The following FOCAD variants were observed in gnomAD, a reference collection of about 807,000 sequenced individuals.
FOCAD encodes focadhesin.
A neutral mutation model predicts 225.6 loss-of-function variants in FOCAD; 198 were observed. The ratio of observed to expected loss-of-function variants is 0.88; its 90% CI spans 0.78 to 0.99. The LOEUF (loss-of-function observed/expected upper bound fraction) is 0.99, where lower values mean the gene tolerates loss of function less well. FOCAD is among the 50% of genes least tolerant of loss of function. The probability of loss-of-function intolerance (pLI) is 0.00; values close to 1 mark genes in which losing one functional copy is unlikely to be tolerated. For synonymous variants in FOCAD, 897 were observed against 755.0 expected, an observed-to-expected ratio of 1.19 and a Z score of -3.08; for missense variants, 2,713 against 2,123.6, an observed-to-expected ratio of 1.28 and a Z score of -5.46.
At chr9:20,786,871 A>G (rs10964698) in intron 10 of FOCAD, 48,122 of 216,044 alleles carry the variant, frequency 0.22, 6,505 homozygotes, top group Non-Finnish European at 0.28. Flanking sequence ...TATAATTCAC[A>G]TAACATAAAC....
chr9:20,763,621 G>A (rs1189186588), intron 6 of FOCAD, among the ~76,000 whole-genome samples: 1 of 152,144 alleles, frequency 6.6e-6, no homozygotes, highest in African/African-American at 2.4e-5. Flanking sequence ...GGAATAGGAC[G>A]GGTAGAAGGG....
intron 18 of FOCAD, among the ~76,000 whole-genome samples, chr9:20,869,786 G>T (rs141599076): frequency 3.3e-5 from 5 of 152,222 alleles, no homozygotes; most frequent in African/African-American, 1.2e-4. Flanking sequence ...GAAGAGCTGA[G>T]GATGTTGACT....
At chr9:20,982,052 G>A (rs963834514) in intron 38 of FOCAD, among the ~76,000 whole-genome samples, 5 of 152,050 alleles carry the variant, frequency 3.3e-5, no homozygotes, top group South Asian at 2.1e-4. Flanking sequence ...ATTTAGCATC[G>A]CCCTTCCCTC....
At chr9:20,910,656 T>C (rs1217200781) in intron 22 of FOCAD, among the ~76,000 whole-genome samples, 1 of 152,076 alleles carries the variant, frequency 6.6e-6, no homozygotes, top group Non-Finnish European at 1.5e-5. Context: ...AGGTGATCAC[T>C]TTAGCCATTT....
chr9:20,978,054 T>A (rs1252069899), intron 36 of FOCAD, among the ~76,000 whole-genome samples: 1 of 152,176 alleles, frequency 6.6e-6, no homozygotes, highest in Admixed American at 6.5e-5. Context: ...AATTTTCTCA[T>A]ATTTTAGATA....
chr9:20,767,653 C>T (rs1830167852), intron 7 of FOCAD, among the ~76,000 whole-genome samples: 2 of 143,020 alleles, frequency 1.4e-5, no homozygotes, highest in African/African-American at 5.1e-5. Flanking sequence ...ATGTCCTTCG[C>T]CCACTTTTTG....
At chr9:20,660,004 C>T (rs1272578894) in intron 2 of FOCAD, among the ~76,000 whole-genome samples, 1 of 152,046 alleles carries the variant, frequency 6.6e-6, no homozygotes, top group Non-Finnish European at 1.5e-5. Flanking sequence ...GCCATCAAGG[C>T]CTGAAGTAAG....
intron 23 of FOCAD, among the ~76,000 whole-genome samples, 191 bp downstream of exon 23, chr9:20,913,145 TACACACACACACACACAC>T (rs56856864): frequency 1.0e-4 from 14 of 137,252 alleles, no homozygotes; most frequent in East Asian, 4.4e-4. Flanking sequence ...AAATTATACA[TACACACACACACACACAC>T]ACACACACAC....
chr9:20,672,139 C>G (rs1822082170), intron 2 of FOCAD, among the ~76,000 whole-genome samples: 1 of 152,134 alleles, frequency 6.6e-6, no homozygotes, highest in African/African-American at 2.4e-5. Flanking sequence ...ATCAGTAAAA[C>G]TCCTGCAAAC....
At chr9:20,681,252 A>C (rs1356770783), upstream of FOCAD, among the ~76,000 whole-genome samples, 2 of 152,174 alleles carry the variant, frequency 1.3e-5, no homozygotes, top group African/African-American at 4.8e-5. Flanking sequence ...CATATGAGAA[A>C]ACTTCTATTT....
intron 35 of FOCAD, among the ~76,000 whole-genome samples, chr9:20,971,709 A>G (rs1260537704): frequency 6.6e-6 from 1 of 152,182 alleles, no homozygotes; most frequent in Non-Finnish European, 1.5e-5. Context: ...AGAACTTTTC[A>G]GAACTTAGAA....
At chr9:20,774,493 A>G (rs911905028) in intron 8 of FOCAD, among the ~76,000 whole-genome samples, 7 of 152,204 alleles carry the variant, frequency 4.6e-5, no homozygotes, top group South Asian at 2.1e-4. Context: ...CCTTCCTCCA[A>G]TAACCTACTA....
rs535754662 is a variant in FOCAD at position 20,717,744 on chromosome 9, T to C, written c.58-50T>C. On this transcript the variant is annotated intron_variant, in intron 2 of 43. Coordinates refer to ENST00000338382, the MANE Select transcript of FOCAD (RefSeq NM_001375567.1). Reference sequence around the variant, plus strand: ...ACTCATATCAACTAGTATTGATATTTGGAAAGAACTTCTAAGGGACTGTGT... The same window carrying C: ...ACTCATATCAACTAGTATTGATATTCGGAAAGAACTTCTAAGGGACTGTGT... The C allele has an allele frequency of 2.8e-6, 4 of 1,429,406 alleles. No homozygotes were observed. In the African/African-American group the frequency reaches 5.6e-5, roughly 20 times the overall value. 88.5% of individuals were successfully genotyped at this position (1,429,406 alleles called of 1,614,324 possible).
chr9:20,772,876 A>G (rs1796362900), intron 8 of FOCAD, among the ~76,000 whole-genome samples: 1 of 151,830 alleles, frequency 6.6e-6, no homozygotes, highest in South Asian at 2.1e-4. Context: ...ATACAGTTAC[A>G]TATGTATCTT....
At chr9:20,696,405 A>G (rs924381774) in intron 1 of FOCAD, among the ~76,000 whole-genome samples, 2 of 152,240 alleles carry the variant, frequency 1.3e-5, no homozygotes, top group Non-Finnish European at 2.9e-5. Context: ...TTCACACTGT[A>G]TACATATATC....
intron 42 of FOCAD, 57 bp downstream of exon 42, chr9:20,990,431 T>G: frequency 6.3e-7 from 1 of 1,587,640 alleles, no homozygotes; most frequent in Non-Finnish European, 8.6e-7. Flanking sequence ...CTTCAGCAGT[T>G]TCTACTGTAG....
intron 35 of FOCAD, among the ~76,000 whole-genome samples, chr9:20,970,288 A>C (rs1158235711): frequency 6.6e-6 from 1 of 152,016 alleles, no homozygotes; most frequent in African/African-American, 2.4e-5. Flanking sequence ...TCAAATATTC[A>C]TTCTGCCCCT....
intron 5 of FOCAD, among the ~76,000 whole-genome samples, chr9:20,756,410 G>C (rs1198595159): frequency 6.6e-6 from 1 of 150,616 alleles, no homozygotes; most frequent in African/African-American, 2.4e-5. Flanking sequence ...TTTTAAAAGA[G>C]AAAAAAAAAT....
chr9:20,826,971 A>T (rs1031880306), intron 15 of FOCAD, among the ~76,000 whole-genome samples: 7 of 152,086 alleles, frequency 4.6e-5, no homozygotes, highest in African/African-American at 1.7e-4. Flanking sequence ...TAATTTTCTT[A>T]CTTCTTTCTG....
Sources: gnomAD v4.1 joint callset for allele counts (sites outside exome capture counted in the v4.1 genomes callset) on GRCh38, gnomAD v4.1.1 for gene constraint, MANE v1.5 for transcripts, NCBI Gene and HGNC (gene_info 2026-07-23, HGNC 2026-07-21) for gene names.